FGF10: variants seen among roughly 807,000 people sequenced by gnomAD.
FGF10 encodes fibroblast growth factor 10, also known as FGF-10.
In FGF10, 2 loss-of-function variants were observed where a neutral mutation model predicts 19.8. That is an observed-to-expected ratio of 0.10 (90% CI 0.04 to 0.32). FGF10 has a LOEUF of 0.32. FGF10 is among the 10% of genes least tolerant of loss of function. The pLI is 1.00. For missense variants in FGF10, 191 were observed against 246.3 expected (o/e 0.78, Z 1.50); for synonymous variants, 112 against 94.0 (o/e 1.19, Z -1.10).
intron 1 of FGF10, among the ~76,000 whole-genome samples, chr5:44,344,461 TCAAA>T (rs1741037901): frequency 6.6e-6 from 1 of 151,828 alleles, no homozygotes. Flanking sequence ...TTACAAAATT[TCAAA>T]CAAACAGTAA....
At chr5:44,335,389 G>C (rs1339372647) in intron 1 of FGF10, among the ~76,000 whole-genome samples, 2 of 152,036 alleles carry the variant, frequency 1.3e-5, no homozygotes, top group Non-Finnish European at 2.9e-5. Context: ...TTTATAGCTA[G>C]TGTTCTACTT....
chr5:44,378,036 A>G (rs1561220151), intron 1 of FGF10, among the ~76,000 whole-genome samples: 1 of 152,186 alleles, frequency 6.6e-6, no homozygotes, highest in South Asian at 2.1e-4. Flanking sequence ...ATAAGTACTT[A>G]AGAGTAAACA....
intron 1 of FGF10, among the ~76,000 whole-genome samples, chr5:44,315,200 A>G (rs1740309425): frequency 6.6e-6 from 1 of 151,038 alleles, no homozygotes; most frequent in Non-Finnish European, 1.5e-5. Context: ...AAAAAAAACC[A>G]GAAAGAAAAT....
chr5:44,334,593 A>C (rs1740806086), intron 1 of FGF10, among the ~76,000 whole-genome samples: 2 of 152,124 alleles, frequency 1.3e-5, no homozygotes, highest in African/African-American at 4.8e-5. Flanking sequence ...AATGTCAGTA[A>C]TTTGGATTGG....
At chr5:44,350,382 T>C (rs181637723) in intron 1 of FGF10, among the ~76,000 whole-genome samples, 1 of 150,976 alleles carries the variant, frequency 6.6e-6, no homozygotes, top group Admixed American at 6.6e-5. Flanking sequence ...TGTGTAATTA[T>C]ATAATCATAG....
rs1490387188 is a variant in FGF10, at chr5:44,303,162, T to C, written c.*1833A>G. Among the ~76,000 whole-genome samples the C allele has an allele frequency of 6.6e-6, 1 of 152,186 alleles. No homozygotes were observed. The highest frequency in any genetic ancestry group is 2.4e-5 in the African/African-American group (1 of 41,460). On this transcript the variant is annotated 3_prime_UTR_variant, in exon 3 of 3. Transcript: ENST00000264664. ...ATAAGCCAAAAGACAGTGCCTCAAA[T>C]GTGTTTCTTCTGAAATACAGTTTTT...
chr5:44,336,348 T>C (rs1740850075), intron 1 of FGF10, among the ~76,000 whole-genome samples: 1 of 152,174 alleles, frequency 6.6e-6, no homozygotes, highest in Non-Finnish European at 1.5e-5. Flanking sequence ...TTTGTGCTAG[T>C]TTATATATTT....
chr5:44,367,003 C>T (rs1454384699), intron 1 of FGF10, among the ~76,000 whole-genome samples: 5 of 151,896 alleles, frequency 3.3e-5, no homozygotes, highest in African/African-American at 1.2e-4. Flanking sequence ...AGTTTGGCAT[C>T]AAGACAAATA....
intron 1 of FGF10, among the ~76,000 whole-genome samples, chr5:44,348,253 G>A (rs1741132000): frequency 6.6e-6 from 1 of 151,572 alleles, no homozygotes; most frequent in Admixed American, 6.6e-5. Flanking sequence ...AATATAATTT[G>A]CTTTTGTGAA....
chr5:44,327,721 T>A (rs1381767152), intron 1 of FGF10, among the ~76,000 whole-genome samples: 1 of 152,194 alleles, frequency 6.6e-6, no homozygotes, highest in Admixed American at 6.5e-5. Flanking sequence ...GCCTTCTCAG[T>A]CATTCAACAC....
At chr5:44,324,347 C>T (rs770753740) in intron 1 of FGF10, among the ~76,000 whole-genome samples, 65 of 152,156 alleles carry the variant, frequency 4.3e-4, no homozygotes, top group Middle Eastern at 6.8e-3. Context: ...TAACTTTCCT[C>T]GTCAAATTTT....
intron 1 of FGF10, among the ~76,000 whole-genome samples, chr5:44,341,696 A>G (rs1007771041): frequency 4.6e-5 from 7 of 152,004 alleles, no homozygotes; most frequent in Admixed American, 3.9e-4. Flanking sequence ...CAGCACTGCT[A>G]TAGGACCTAA....
Position 44,304,810 on chromosome 5 carries a change from A to G in FGF10, c.*185T>C, listed in dbSNP as rs1187866288. 1.6e-6 allele frequency: 1 copy of G among 621,534 alleles called. No homozygotes were observed. Among genetic ancestry groups the G allele is most frequent in the African/African-American group, 1.8e-5 (1 of 54,430 alleles). 38.5% of individuals were successfully genotyped at this position (621,534 alleles called of 1,614,324 possible). On this transcript the variant is annotated 3_prime_UTR_variant, in exon 3 of 3. Coordinates refer to ENST00000264664, the MANE Select transcript of FGF10 (RefSeq NM_004465.2). The stretch of plus-strand genomic sequence containing the variant: ...ATCTTGATTATAAGACATGACACAG[A>G]ACTAATTAAAAGAACATCATATGTC...
chr5:44,344,568 C>CTGTGTG (rs1166640935), intron 1 of FGF10, among the ~76,000 whole-genome samples: 4,418 of 126,798 alleles, frequency 0.035, 116 homozygotes, highest in South Asian at 0.077. Context: ...TTTGTTTTCT[C>CTGTGTG]TGTGTGTGTG....
intron 1 of FGF10, among the ~76,000 whole-genome samples, chr5:44,356,374 T>C (rs1741348006): frequency 1.3e-5 from 2 of 151,520 alleles, no homozygotes; most frequent in Non-Finnish European, 3.0e-5. Context: ...TTAGCTGATC[T>C]ACCTAACACT....
intron 1 of FGF10, among the ~76,000 whole-genome samples, chr5:44,315,919 G>A (rs1253952583): frequency 6.6e-5 from 10 of 152,118 alleles, no homozygotes; most frequent in African/African-American, 2.2e-4. Context: ...GTTAAATGAA[G>A]TGAAGCCTCA....
At chr5:44,347,394 G>A (rs1033999880) in intron 1 of FGF10, among the ~76,000 whole-genome samples, 7 of 151,522 alleles carry the variant, frequency 4.6e-5, no homozygotes, top group African/African-American at 1.7e-4. Context: ...TTATAATATG[G>A]TAACTTTTGC....
chr5:44,375,364 C>T (rs1324562378), intron 1 of FGF10, among the ~76,000 whole-genome samples: 1 of 152,038 alleles, frequency 6.6e-6, no homozygotes, highest in Non-Finnish European at 1.5e-5. Flanking sequence ...CCAGAGATGA[C>T]ATCTAAGTGA....
chr5:44,389,126 T>G lies in FGF10; in HGVS notation c.-444A>C. The G allele has an allele frequency of 3.9e-5, 11 of 279,258 alleles. No homozygotes were observed. Among genetic ancestry groups the G allele is most frequent in the South Asian group, 2.4e-4 (6 of 24,498 alleles). 17.3% of individuals were successfully genotyped at this position (279,258 alleles called of 1,614,324 possible). The stretch of plus-strand genomic sequence containing the variant: ...GGGGTGGGGAATAGGGGGAGATATC[T>G]GCACCCCTCTGCGGTTGGCACCTTC... On this transcript the variant is annotated 5_prime_UTR_variant, in exon 1 of 3. Transcript: ENST00000264664.
Sources: allele counts gnomAD v4.1 joint callset (sites outside exome capture counted in the v4.1 genomes callset), GRCh38; gene constraint gnomAD v4.1.1; transcripts MANE v1.5; gene names NCBI Gene and HGNC (gene_info 2026-07-23, HGNC 2026-07-21).